The following SKP2 variants were observed in gnomAD, a reference collection of about 807,000 sequenced individuals.
The protein encoded by SKP2 is S-phase kinase associated protein 2.
In SKP2, 16 loss-of-function variants were observed where a neutral mutation model predicts 51.8. The observed-to-expected ratio is 0.31, with a 90% CI of 0.21 to 0.47. The LOEUF is 0.47. Ranked by LOEUF, SKP2 falls within the 20% of genes least tolerant of loss-of-function variation. SKP2 has a pLI of 1.00. For missense variants in SKP2, 377 were observed against 505.3 expected (o/e 0.75, Z 2.43); for synonymous variants, 176 against 198.6 (o/e 0.89, Z 0.96).
At chr5:36,177,994 G>A (rs1033887011) in intron 9 of SKP2, among the ~76,000 whole-genome samples, 3 of 152,120 alleles carry the variant, frequency 2.0e-5, no homozygotes, top group South Asian at 2.1e-4. Flanking sequence ...TCAAGGGAGT[G>A]CAAGAAAGCA....
At chr5:36,190,683 CA>C (rs70973094) in intron 6 of SKP2, among the ~76,000 whole-genome samples, 193 of 81,160 alleles carry the variant, frequency 2.4e-3, no homozygotes, top group African/African-American at 8.1e-3. Context: ...CAAACATATG[CA>C]AAAAAAAAAA....
At chr5:36,180,897 C>G (rs1745787710) in intron 9 of SKP2, among the ~76,000 whole-genome samples, 1 of 152,224 alleles carries the variant, frequency 6.6e-6, no homozygotes, top group Middle Eastern at 3.4e-3. Flanking sequence ...TAAATGTTCC[C>G]TTTCCTGAGA....
chr5:36,183,165 A>G lies in SKP2; in HGVS notation c.*1134A>G. 1 of 974,120 alleles carries G rather than the reference A, an allele frequency of 1.0e-6. No homozygotes were observed. The highest frequency in any genetic ancestry group is 4.7e-5 in the South Asian group (1 of 21,080). 60.3% of individuals were successfully genotyped at this position (974,120 alleles called of 1,614,324 possible). A position where few individuals can be genotyped will look rare whatever the true frequency, so the allele number is the denominator to read the frequency against. On this transcript the variant is annotated 3_prime_UTR_variant, in exon 10 of 10. Coordinates refer to ENST00000274255, the MANE Select transcript of SKP2 (RefSeq NM_005983.4). ...TCAGTAGTAAGCACTACTTATACCT[A>G]CATAAGAGTTAAAATCCAGATGTGG...
chr5:36,152,693 T>C lies in SKP2; in HGVS notation c.9-78T>C, dbSNP rs114155491. The C allele has an allele frequency of 2.9e-3, 4,230 of 1,473,982 alleles. 110 individuals carry two copies. The African/African-American group carries it at 0.052, about 18-fold the overall frequency. 91.3% of individuals were successfully genotyped at this position (1,473,982 alleles called of 1,614,324 possible). A position where few individuals can be genotyped will look rare whatever the true frequency, so the allele number is the denominator to read the frequency against. ...TGAAGGTTTCCTACAATGCATAAACTGCAGCTTCTTTAATTGCCTTGAAAT... is the reference window on the plus strand; with the variant it reads ...TGAAGGTTTCCTACAATGCATAAACCGCAGCTTCTTTAATTGCCTTGAAAT... On this transcript the variant is annotated intron_variant, in intron 1 of 9. Coordinates refer to ENST00000274255, the MANE Select transcript of SKP2 (RefSeq NM_005983.4).
intron 2 of SKP2, among the ~76,000 whole-genome samples, chr5:36,161,659 A>C (rs2111963790): frequency 6.6e-6 from 1 of 152,318 alleles, no homozygotes; most frequent in South Asian, 2.1e-4. Flanking sequence ...TGTACCACTG[A>C]AGGATTCTAA....
In SKP2 at chr5:36,184,034, T is replaced by C; in HGVS notation, c.*2003T>C. The C allele has an allele frequency of 9.0e-7, 1 of 1,110,394 alleles. No homozygotes were observed. Among genetic ancestry groups the C allele is most frequent in the Non-Finnish European group, 1.3e-6 (1 of 750,616 alleles). 68.8% of individuals were successfully genotyped at this position (1,110,394 alleles called of 1,614,324 possible). ...TAAAACACATTTTTATAAAAATGAGTGCTTAAACTAAGTTGTATTCCTTTT... is the reference window on the plus strand; with the variant it reads ...TAAAACACATTTTTATAAAAATGAGCGCTTAAACTAAGTTGTATTCCTTTT... On this transcript the variant is annotated 3_prime_UTR_variant, in exon 10 of 10. Coordinates refer to ENST00000274255, the MANE Select transcript of SKP2 (RefSeq NM_005983.4).
chr5:36,174,640 A>G (rs1300754697), intron 7 of SKP2, among the ~76,000 whole-genome samples: 2 of 152,154 alleles, frequency 1.3e-5, no homozygotes, highest in African/African-American at 4.8e-5. Flanking sequence ...AACATATTTC[A>G]TAAATGTTAT....
downstream of SKP2, among the ~76,000 whole-genome samples, chr5:36,185,637 G>C (rs1467561282): frequency 6.6e-6 from 1 of 152,204 alleles, no homozygotes; most frequent in Non-Finnish European, 1.5e-5. Flanking sequence ...CCAGTACCAT[G>C]CTGTTTTGGT....
chr5:36,187,850 T>G (rs929707522), downstream of SKP2, among the ~76,000 whole-genome samples: 1 of 152,254 alleles, frequency 6.6e-6, no homozygotes, highest in Admixed American at 6.5e-5. Context: ...AAGTCTCCCA[T>G]TATTATTGTG....
intron 7 of SKP2, among the ~76,000 whole-genome samples, chr5:36,173,124 A>C (rs1229288393): frequency 6.6e-6 from 1 of 151,924 alleles, no homozygotes; most frequent in African/African-American, 2.4e-5. Context: ...CAGTGACTAC[A>C]TGATGTCATC....
intron 2 of SKP2, among the ~76,000 whole-genome samples, chr5:36,155,726 C>T (rs1283214580): frequency 6.6e-6 from 1 of 152,190 alleles, no homozygotes; most frequent in Non-Finnish European, 1.5e-5. Context: ...GCGAAAGATA[C>T]TTCCTGCTAA....
chr5:36,163,570 A>C (rs2111968788), intron 2 of SKP2, 75 bp from the exon 3 acceptor site: 1 of 841,718 alleles, frequency 1.2e-6, no homozygotes, highest in East Asian at 2.4e-5. Flanking sequence ...TATATTCTTT[A>C]TGTGTTTGAA....
At chr5:36,155,307 G>A (rs1307964439) in intron 2 of SKP2, 1 of 152,164 alleles carries the variant, frequency 6.6e-6, no homozygotes, top group Non-Finnish European at 1.5e-5. Flanking sequence ...TATACATCAG[G>A]AATTGGATTA....
chr5:36,183,983 ACTTT>A lies in SKP2; in HGVS notation c.*1953_*1956del. On this transcript the variant is annotated 3_prime_UTR_variant, in exon 10 of 10. Coordinates refer to ENST00000274255, the MANE Select transcript of SKP2 (RefSeq NM_005983.4). ...ATCTGTATTTTTGTATGTGATTTCTACTTTTATAGACTTGTTTTAAAACAATAAA... is the reference window on the plus strand; with the variant it reads ...ATCTGTATTTTTGTATGTGATTTCTATATAGACTTGTTTTAAAACAATAAA... 6.3e-7 allele frequency: 1 copy of A among 1,591,868 alleles called. No homozygotes were observed. Among genetic ancestry groups the A allele is most frequent in the Non-Finnish European group, 8.6e-7 (1 of 1,164,478 alleles).
At chr5:36,156,605 A>G (rs1744955641) in intron 2 of SKP2, among the ~76,000 whole-genome samples, 3 of 152,210 alleles carry the variant, frequency 2.0e-5, no homozygotes, top group Admixed American at 6.5e-5. Context: ...TGAGGTCAGT[A>G]ACAGGCGGAA....
chr5:36,170,318 C>T (rs1178806463), intron 5 of SKP2, 26 bp from the exon 6 acceptor site: 4 of 1,398,424 alleles, frequency 2.9e-6, no homozygotes, highest in Non-Finnish European at 3.0e-6. Flanking sequence ...TGGTCTTTTT[C>T]TTCTGACGTT....
intron 7 of SKP2, among the ~76,000 whole-genome samples, chr5:36,174,746 CAG>C: frequency 6.6e-6 from 1 of 152,184 alleles, no homozygotes; most frequent in African/African-American, 2.4e-5. Context: ...TGGTTAAAGA[CAG>C]GGCCTCTCTG....
chr5:36,171,671 A>G lies in SKP2; in HGVS notation c.839A>G (p.His280Arg). The G allele has an allele frequency of 6.2e-7, 1 of 1,613,920 alleles. No homozygotes were observed. The highest frequency in any genetic ancestry group is 8.5e-7 in the Non-Finnish European group (1 of 1,179,802). Residue 280 changes from histidine to arginine, a missense_variant, in exon 7 of 10, where the codon CAT (histidine) becomes CGT (arginine). His to Arg is a conservative substitution (Grantham distance 29, BLOSUM62 0). This residue lies in a region of SKP2 where 262 missense variants were observed against 389.8 expected (regional missense o/e 0.67). Coordinates refer to ENST00000274255, the MANE Select transcript of SKP2 (RefSeq NM_005983.4). ...AAGCATGTACAGGTGGCTGTTGCGCATGTGTCAGAGACCATCACCCAGCTG... is the reference window on the plus strand; with the variant it reads ...AAGCATGTACAGGTGGCTGTTGCGCGTGTGTCAGAGACCATCACCCAGCTG... Reference protein sequence around the residue: ...TEKHVQVAVAHVSETITQLNL... With the variant: ...TEKHVQVAVARVSETITQLNL...
downstream of SKP2, among the ~76,000 whole-genome samples, chr5:36,187,497 T>C (rs992235748): frequency 6.6e-6 from 1 of 152,246 alleles, no homozygotes; most frequent in African/African-American, 2.4e-5. Flanking sequence ...ATGTACCCAG[T>C]AGTCATTCAG....
Sources: allele counts gnomAD v4.1 joint callset (sites outside exome capture counted in the v4.1 genomes callset), GRCh38; gene constraint gnomAD v4.1.1; regional missense constraint gnomAD v4.1.1; transcripts MANE v1.5; gene names NCBI Gene and HGNC (gene_info 2026-07-23, HGNC 2026-07-21).